PALM2AKAP2: variants seen among roughly 807,000 people sequenced by gnomAD.
The protein encoded by PALM2AKAP2 is PALM2 and AKAP2 fusion, also known as PALM2-AKAP2 fusion protein.
In PALM2AKAP2, 37 loss-of-function variants were observed where a neutral mutation model predicts 71.5. The ratio of observed to expected loss-of-function variants is 0.52; its 90% CI spans 0.40 to 0.68. PALM2AKAP2 has a LOEUF of 0.68. Ranked by LOEUF, PALM2AKAP2 falls within the 30% of genes least tolerant of loss-of-function variation. The probability of loss-of-function intolerance (pLI) is 0.00; values close to 1 mark genes in which losing one functional copy is unlikely to be tolerated. For missense variants in PALM2AKAP2, 1,224 were observed against 1,191.8 expected, an observed-to-expected ratio of 1.03 and a Z score of -0.40; for synonymous variants, 468 against 478.8, an observed-to-expected ratio of 0.98 and a Z score of 0.29.
intron 3 of PALM2AKAP2, among the ~76,000 whole-genome samples, chr9:109,904,733 G>A (rs1031909967): frequency 3.3e-5 from 5 of 152,170 alleles, no homozygotes; most frequent in Non-Finnish European, 5.9e-5. Flanking sequence ...CCAAGCCAGC[G>A]GGAAGAGGCA....
intron 1 of PALM2AKAP2, among the ~76,000 whole-genome samples, chr9:109,799,271 C>T (rs77257159): frequency 2.0e-5 from 3 of 152,324 alleles, no homozygotes; most frequent in East Asian, 3.9e-4. Context: ...TGCTGGACCA[C>T]AGAAGACCAG....
At chr9:109,895,722 C>T (rs1830183285) in intron 3 of PALM2AKAP2, among the ~76,000 whole-genome samples, 2 of 152,142 alleles carry the variant, frequency 1.3e-5, no homozygotes, top group African/African-American at 4.8e-5. Context: ...AGTCTGTTCT[C>T]ACAGTGCTAA....
chr9:110,048,807 G>A lies in PALM2AKAP2; in HGVS notation c.108G>A (p.Trp36Ter). Residue 36 changes from tryptophan to a stop codon, truncating the protein, a stop_gained, in exon 1 of 4, where the codon TGG becomes TGA. Coordinates refer to ENST00000374525, the Ensembl canonical transcript of PALM2AKAP2. LOFTEE classifies it high-confidence loss of function. ...GGGAGGCAGCGGCCGCGCGGCGCTG[G>A]ACTGGAGCAGAACCCCAGGACTGCG... is the stretch of plus-strand genomic sequence containing the variant. 1 of 1,533,492 alleles carries A rather than the reference G, an allele frequency of 6.5e-7. No individual in the cohort carries two copies. Among genetic ancestry groups the A allele is most frequent in the Non-Finnish European group, 8.7e-7 (1 of 1,146,040 alleles). The allele number at this position is 1,533,492 out of a possible 1,614,324, so 95.0% of individuals were successfully genotyped here.
chr9:109,741,793 C>A (rs1318242975), intron 1 of PALM2AKAP2, among the ~76,000 whole-genome samples: 1 of 152,168 alleles, frequency 6.6e-6, no homozygotes, highest in African/African-American at 2.4e-5. Context: ...TTTGTGAATG[C>A]TGTAAGGTGG....
At chr9:110,030,044 A>C (rs1833250705) in intron 7 of PALM2AKAP2, among the ~76,000 whole-genome samples, 1 of 152,166 alleles carries the variant, frequency 6.6e-6, no homozygotes, top group South Asian at 2.1e-4. Context: ...TGCCCTCTGA[A>C]ATTTCGTTGA....
chr9:110,116,655 A>T (rs1835369524), intron 1 of PALM2AKAP2, among the ~76,000 whole-genome samples: 1 of 152,188 alleles, frequency 6.6e-6, no homozygotes, highest in African/African-American at 2.4e-5. Flanking sequence ...CCCAAGGGGG[A>T]ATCTGGTTAC....
At chr9:110,012,507 TGGAA>T (rs1832902655) in intron 6 of PALM2AKAP2, among the ~76,000 whole-genome samples, 1 of 152,192 alleles carries the variant, frequency 6.6e-6, no homozygotes, top group South Asian at 2.1e-4. Flanking sequence ...GTTTTCTCCT[TGGAA>T]GGAATTTTAC....
At chr9:109,966,407 C>A (rs570367134) in intron 6 of PALM2AKAP2, among the ~76,000 whole-genome samples, 29 of 152,282 alleles carry the variant, frequency 1.9e-4, no homozygotes, top group African/African-American at 6.5e-4. Context: ...AGCCAGGTAC[C>A]CTGCATTTAG....
chr9:109,869,532 G>A lies in PALM2AKAP2; in HGVS notation c.126+1961G>A, dbSNP rs1159492182. The stretch of plus-strand genomic sequence containing the variant: ...TTTTGGTATTTTTAGTAGAGATGGG[G>A]TTTCACCATGTTAGCCAGGATAGTC... On this transcript the variant is annotated intron_variant, in intron 2 of 9. Transcript: ENST00000302798. Among the ~76,000 whole-genome samples the A allele has an allele frequency of 4.6e-5, 7 of 151,610 alleles. No homozygotes were observed. In the South Asian group the frequency reaches 1.5e-3, roughly 32 times the overall value.
At chr9:109,971,084 C>T (rs1832056067) in intron 6 of PALM2AKAP2, among the ~76,000 whole-genome samples, 1 of 152,026 alleles carries the variant, frequency 6.6e-6, no homozygotes, top group Non-Finnish European at 1.5e-5. Flanking sequence ...CAGAGCAAGA[C>T]CCTGTCTCAA....
At chr9:110,058,646 G>C (rs948649321) in intron 1 of PALM2AKAP2, among the ~76,000 whole-genome samples, 11 of 152,116 alleles carry the variant, frequency 7.2e-5, no homozygotes, top group African/African-American at 2.7e-4. Context: ...ACACCTCACT[G>C]TTTCTTACTC....
chr9:109,917,210 A>G (rs1830713904), intron 3 of PALM2AKAP2, among the ~76,000 whole-genome samples: 1 of 152,238 alleles, frequency 6.6e-6, no homozygotes, highest in Admixed American at 6.5e-5. Flanking sequence ...GGGTGACCTC[A>G]GGGAGCTGAA....
At chr9:109,693,204 G>C (rs1827923562) in intron 1 of PALM2AKAP2, among the ~76,000 whole-genome samples, 1 of 151,754 alleles carries the variant, frequency 6.6e-6, no homozygotes. Context: ...AGTGAGTTTT[G>C]GTGGTTTATA....
At position 109,723,647 on chromosome 9, in the gene PALM2AKAP2, C is replaced by T. The variant is rs138910727; in HGVS notation, c.6-56841C>T. Among the ~76,000 whole-genome samples, 44 of 152,036 alleles carry T rather than the reference C, an allele frequency of 2.9e-4. No individual in the cohort carries two copies. The East Asian group carries it at 6.6e-3, about 23-fold the overall frequency. On this transcript the variant is annotated intron_variant, in intron 1 of 6. Transcript: ENST00000374531. ...GTATCACTTTTCAAGTGGAAACAAG[C>T]GGAAAAAGAAAAAGGCATTTAACAA...
chr9:109,725,401 G>A (rs958432158), intron 1 of PALM2AKAP2, among the ~76,000 whole-genome samples: 5 of 152,054 alleles, frequency 3.3e-5, no homozygotes, highest in East Asian at 1.9e-4. Flanking sequence ...TGCCTCACTC[G>A]TGTCATATTA....
chr9:109,942,580 A>G (rs1019325846), intron 6 of PALM2AKAP2: 27 of 1,253,880 alleles, frequency 2.2e-5, no homozygotes, highest in Non-Finnish European at 2.9e-5. Context: ...CTTGGCAGTT[A>G]GAATAGAAAG....
At chr9:109,746,983 GAC>G (rs1314011246) in intron 1 of PALM2AKAP2, among the ~76,000 whole-genome samples, 1 of 152,192 alleles carries the variant, frequency 6.6e-6, no homozygotes, top group African/African-American at 2.4e-5. Context: ...AGAGAACAGG[GAC>G]ATGTCCAGTT....
chr9:109,691,563 CTT>C (rs1827884061), intron 1 of PALM2AKAP2, among the ~76,000 whole-genome samples: 1 of 151,802 alleles, frequency 6.6e-6, no homozygotes, highest in African/African-American at 2.4e-5. Flanking sequence ...TTAGAAAACT[CTT>C]ATATCAAATT....
chr9:109,921,426 C>G (rs1246146444), intron 3 of PALM2AKAP2, among the ~76,000 whole-genome samples: 2 of 152,172 alleles, frequency 1.3e-5, no homozygotes, highest in East Asian at 3.8e-4. Flanking sequence ...AGTCCCACCC[C>G]CTTGAGCTTT....
Sources: gnomAD v4.1 joint callset for allele counts (sites outside exome capture counted in the v4.1 genomes callset) on GRCh38, gnomAD v4.1.1 for gene constraint, MANE v1.5 for transcripts, NCBI Gene and HGNC (gene_info 2026-07-23, HGNC 2026-07-21) for gene names.